Variants in WDFY3 observed in about 807,000 individuals in gnomAD.
The protein encoded by WDFY3 is WD repeat and FYVE domain-containing protein 3.
A neutral mutation model predicts 409.6 loss-of-function variants in WDFY3; 66 were observed. The ratio of observed to expected loss-of-function variants is 0.16; its 90% confidence interval spans 0.13 to 0.20. The LOEUF is 0.20. Ranked by LOEUF, WDFY3 falls within the 10% of genes least tolerant of loss-of-function variation. The probability of loss-of-function intolerance (pLI) is 1.00; values close to 1 mark genes in which losing one functional copy is unlikely to be tolerated. For missense variants in WDFY3, 3,031 were observed against 4,298.1 expected (o/e 0.71, Z 8.24); for synonymous variants, 1,521 against 1,537.1 (o/e 0.99, Z 0.25).
intron 2 of WDFY3, among the ~76,000 whole-genome samples, chr4:84,903,833 T>C (rs1366894188): frequency 6.6e-6 from 1 of 152,084 alleles, no homozygotes; most frequent in Admixed American, 6.5e-5. Flanking sequence ...GCTATACACA[T>C]GTATATTTAT....
chr4:84,739,251 C>G, intron 39 of WDFY3, 132 bp from the exon 40 acceptor site: 1 of 857,768 alleles, frequency 1.2e-6, no homozygotes, highest in Non-Finnish European at 1.8e-6. Context: ...GAACAGAATT[C>G]TAGTTTGCCA....
chr4:84,742,170 T>C (rs911246997), intron 37 of WDFY3, among the ~76,000 whole-genome samples: 2 of 151,976 alleles, frequency 1.3e-5, no homozygotes, highest in South Asian at 4.1e-4. Context: ...CTAAAGAGAG[T>C]CTGTGATAAA....
At position 84,821,108 on chromosome 4, in the gene WDFY3, G is replaced by C; in HGVS notation, c.1567C>G (p.Pro523Ala). Residue 523 changes from proline (P) to alanine (A), a missense_variant, in exon 11 of 68, where the codon CCA becomes GCA. Around this residue, in one of 16 missense-constraint regions of WDFY3, gnomAD observed 1,322 missense variants for 1,697.9 expected, o/e 0.78. Coordinates refer to ENST00000295888, the MANE Select transcript of WDFY3 (RefSeq NM_014991.6). The part of the protein sequence containing the change: ...LHKYAALLKD[P>A]TQALNEQGDS... The stretch of plus-strand genomic sequence containing the variant: ...CCTTGTTCATTTAGTGCCTGAGTTG[G>C]ATCCTTCAACAGGGCAGCATATTTA... The C allele has an allele frequency of 6.2e-7, 1 of 1,611,784 alleles. No individual in the cohort carries two copies. The highest frequency in any genetic ancestry group is 8.5e-7 in the Non-Finnish European group (1 of 1,179,112).
At chr4:84,721,269 T>C (rs1158561194) in intron 47 of WDFY3, 140 bp downstream of exon 47, 1 of 1,141,202 alleles carries the variant, frequency 8.8e-7, no homozygotes, top group African/African-American at 1.6e-5. Flanking sequence ...AGTAGAGTAC[T>C]GAACCCAAAA....
Position 84,763,659 on chromosome 4 carries a change from G to C in WDFY3, c.5188+2151C>G, listed in dbSNP as rs1021189517. 1.1e-4 allele frequency among the ~76,000 whole-genome samples: 16 copies of C among 151,514 alleles called. No individual in the cohort carries two copies. The South Asian group carries it at 3.1e-3, about 30-fold the overall frequency. On this transcript the variant is annotated intron_variant, in intron 32 of 67. Transcript: ENST00000295888. ...CGATCAAGGAGAAATAGAATCAAAT[G>C]AGCTGATATGTACACTTGTTTACAT...
In WDFY3 at chr4:84,688,972, G is replaced by T. The variant is rs528582329; in HGVS notation, c.9364-707C>A. ...AATAAGTAAATATTCTGAAGAAAAA[G>T]ATTTAGATTACTGTTAGTAGTTCCT... is the stretch of plus-strand genomic sequence containing the variant. On this transcript the variant is annotated intron_variant, in intron 61 of 67. Transcript: ENST00000295888. Among the ~76,000 whole-genome samples the T allele has an allele frequency of 2.5e-4, 38 of 152,320 alleles. 1 individual carries two copies. In the South Asian group the frequency reaches 7.7e-3, roughly 31 times the overall value.
intron 59 of WDFY3, among the ~76,000 whole-genome samples, chr4:84,692,576 T>A (rs1357825472): frequency 2.0e-5 from 3 of 152,198 alleles, no homozygotes; most frequent in Admixed American, 6.5e-5. Context: ...AAGACAAATT[T>A]TTTTTATCTA....
chr4:84,829,313 TA>T, intron 8 of WDFY3, 123 bp from the exon 9 acceptor site: 2 of 788,142 alleles, frequency 2.5e-6, no homozygotes, highest in Non-Finnish European at 1.9e-6. Flanking sequence ...TACTATGAGA[TA>T]AATGTAACAC....
chr4:84,715,004 TAC>T (rs1163192500), intron 50 of WDFY3, among the ~76,000 whole-genome samples: 1 of 151,958 alleles, frequency 6.6e-6, no homozygotes. Flanking sequence ...TTTTTAAAGC[TAC>T]AGTTTCATCA....
intron 10 of WDFY3, among the ~76,000 whole-genome samples, chr4:84,824,651 C>T (rs1754590107): frequency 1.3e-5 from 2 of 152,112 alleles, no homozygotes; most frequent in Non-Finnish European, 2.9e-5. Flanking sequence ...GAAAATATTC[C>T]ACATCATGAT....
At chr4:84,843,404 T>C (rs1027095792) in intron 5 of WDFY3, among the ~76,000 whole-genome samples, 1 of 152,234 alleles carries the variant, frequency 6.6e-6, no homozygotes, top group African/African-American at 2.4e-5. Context: ...TCCCACTTTT[T>C]ATTTTATTAT....
chr4:84,802,575 T>C (rs1272276535), intron 16 of WDFY3, among the ~76,000 whole-genome samples: 1 of 152,134 alleles, frequency 6.6e-6, no homozygotes, highest in Non-Finnish European at 1.5e-5. Context: ...GCCAGAAGCA[T>C]ACCTTTTAAT....
chr4:84,749,537 C>T lies in WDFY3; in HGVS notation c.5973+1946G>A, dbSNP rs1026993265. On this transcript the variant is annotated intron_variant, in intron 36 of 67. Transcript: ENST00000295888. ...TAAGTGAAACAATGTACAGCAGGTC[C>T]TCAAATAACATCATTTCCTTCAACC... Among the ~76,000 whole-genome samples, 13 of 152,148 alleles carry T rather than the reference C, an allele frequency of 8.5e-5. 1 individual carries two copies. Among genetic ancestry groups the T allele is most frequent in the Admixed American group, 7.9e-4 (12 of 15,268 alleles).
chr4:84,790,494 T>C (rs1445671781), intron 21 of WDFY3, among the ~76,000 whole-genome samples: 1 of 152,068 alleles, frequency 6.6e-6, no homozygotes, highest in African/African-American at 2.4e-5. Flanking sequence ...CACATAAAGT[T>C]ACAATGAACA....
chr4:84,785,248 A>G (rs1166217046), intron 24 of WDFY3, among the ~76,000 whole-genome samples: 1 of 151,606 alleles, frequency 6.6e-6, no homozygotes, highest in East Asian at 1.9e-4. Context: ...GCCCTCTCTA[A>G]TTTTACTGCA....
At chr4:84,839,754 A>G (rs1164860344) in intron 6 of WDFY3, among the ~76,000 whole-genome samples, 1 of 152,002 alleles carries the variant, frequency 6.6e-6, no homozygotes, top group Non-Finnish European at 1.5e-5. Context: ...GCTACTCGGG[A>G]GGCTGAGGCA....
chr4:84,947,514 A>AAATAATAATAATAATAAT (rs200130662), intron 1 of WDFY3, among the ~76,000 whole-genome samples: 1 of 140,542 alleles, frequency 7.1e-6, no homozygotes, highest in Non-Finnish European at 1.5e-5. Flanking sequence ...TCCGTCTCAA[A>AAATAATAATAATAATAAT]AATAATAATA....
chr4:84,697,778 A>G (rs1730368929), intron 56 of WDFY3, among the ~76,000 whole-genome samples: 1 of 152,222 alleles, frequency 6.6e-6, no homozygotes, highest in African/African-American at 2.4e-5. Flanking sequence ...TTAGATAAAT[A>G]CTTGTTCTGG....
intron 3 of WDFY3, among the ~76,000 whole-genome samples, chr4:84,868,711 C>T (rs1489653067): frequency 6.6e-6 from 1 of 152,160 alleles, no homozygotes; most frequent in Non-Finnish European, 1.5e-5. Flanking sequence ...CTGTTGAAAT[C>T]TCCCTGCTGC....
Sources: gnomAD v4.1 joint callset for allele counts (sites outside exome capture counted in the v4.1 genomes callset) on GRCh38, gnomAD v4.1.1 for gene constraint, gnomAD v4.1.1 regional missense constraint, MANE v1.5 for transcripts, NCBI Gene and HGNC (gene_info 2026-07-23, HGNC 2026-07-21) for gene names.